Variants in PPIG observed in about 807,000 individuals in gnomAD.
The protein encoded by PPIG is peptidyl-prolyl cis-trans isomerase G.
Under a neutral mutation model 87.9 loss-of-function variants are expected in PPIG, and 26 were observed. The observed-to-expected ratio is 0.30, with a 90% CI of 0.22 to 0.41. The LOEUF (loss-of-function observed/expected upper bound fraction) is 0.41, where lower values mean the gene tolerates loss of function less well. PPIG is among the 10% of genes least tolerant of loss of function. PPIG has a pLI of 1.00. For synonymous variants in PPIG, 308 were observed against 276.5 expected (o/e 1.11, Z -1.13); for missense variants, 722 against 879.4 (o/e 0.82, Z 2.26).
At chr2:169,608,864 C>G in intron 7 of PPIG, 106 bp downstream of exon 7, 1 of 647,782 alleles carries the variant, frequency 1.5e-6, no homozygotes, top group Non-Finnish European at 2.7e-6. Context: ...GGGCGGATCA[C>G]GAGGTCAGGA....
intron 1 of PPIG, among the ~76,000 whole-genome samples, chr2:169,597,368 A>C (rs1354456589): frequency 6.6e-6 from 1 of 152,090 alleles, no homozygotes; most frequent in Non-Finnish European, 1.5e-5. Flanking sequence ...ACCATAGCTC[A>C]CTGCAGCCTC....
intron 12 of PPIG, chr2:169,633,513 TC>T (rs1458571321): frequency 9.5e-6 from 5 of 524,188 alleles, no homozygotes; most frequent in Admixed American, 7.6e-5. Flanking sequence ...TTCTTGGCAA[TC>T]ACTGTATCTC....
intron 9 of PPIG, among the ~76,000 whole-genome samples, chr2:169,627,845 T>G (rs1188428257): frequency 6.6e-6 from 1 of 152,062 alleles, no homozygotes; most frequent in Non-Finnish European, 1.5e-5. Flanking sequence ...CTTTTTTAAT[T>G]GTGGGGTAAA....
rs772209064 is a variant in PPIG, at chr2:169,636,955, G to A, written c.1697G>A (p.Ser566Asn). 1 of 1,613,984 alleles carries A rather than the reference G, an allele frequency of 6.2e-7. No individual in the cohort carries two copies. The highest frequency in any genetic ancestry group is 1.7e-5 in the Admixed American group (1 of 59,976). The change falls in exon 14 of 14, where the codon AGC becomes AAC. Residue 566 changes from serine to asparagine, a missense_variant. By Grantham distance (46) the Ser-to-Asn change is conservative. Transcript: ENST00000260970. ...TATAATAGCAGAACAAGAGAACGAA[G>A]CAGAAGTAGGGACAGAAGCAGAAGA... is the stretch of plus-strand genomic sequence containing the variant. ...HSYNSRTRER[S>N]RSRDRSRRVR...
intron 1 of PPIG, among the ~76,000 whole-genome samples, chr2:169,593,813 ATTT>A (rs376892159): frequency 7.2e-6 from 1 of 138,816 alleles, no homozygotes. Flanking sequence ...TGCCCGGCTA[ATTT>A]TTTTTTTTTT....
At chr2:169,633,340 A>G (rs746430817) in intron 12 of PPIG, 93 bp downstream of exon 12, 4 of 993,594 alleles carry the variant, frequency 4.0e-6, no homozygotes, top group Admixed American at 4.6e-5. Flanking sequence ...TTTAATGTGC[A>G]AGTAACTAAA....
chr2:169,633,665 T>C (rs1370808383), intron 12 of PPIG: 1 of 195,298 alleles, frequency 5.1e-6, no homozygotes, highest in Non-Finnish European at 1.0e-5. Context: ...TCCTGTCTTA[T>C]GTCTTCACTT....
chr2:169,588,958 CAAAAAAAAAAAA>C (rs549776875), intron 1 of PPIG, among the ~76,000 whole-genome samples: 1 of 68,410 alleles, frequency 1.5e-5, no homozygotes, highest in Non-Finnish European at 2.8e-5. Context: ...AACTCCCTCT[CAAAAAAAAAAAA>C]AAAAAAAAAA....
intron 1 of PPIG, among the ~76,000 whole-genome samples, chr2:169,590,451 T>A (rs1237865568): frequency 1.3e-5 from 2 of 152,086 alleles, no homozygotes. Flanking sequence ...CCATCCTAGC[T>A]AACACGGTGA....
intron 9 of PPIG, among the ~76,000 whole-genome samples, chr2:169,618,974 G>T (rs914020544): frequency 6.6e-6 from 1 of 151,944 alleles, no homozygotes; most frequent in Non-Finnish European, 1.5e-5. Flanking sequence ...TGATGTTAGG[G>T]TGTCCATTTT....
intron 1 of PPIG, among the ~76,000 whole-genome samples, chr2:169,598,030 C>T (rs1264400826): frequency 6.6e-6 from 1 of 150,732 alleles, no homozygotes; most frequent in Non-Finnish European, 1.5e-5. Context: ...ATACAGGGTC[C>T]CACTCTGTCG....
Position 169,607,157 on chromosome 2 carries a change from GTTTACA to G in PPIG, c.289+14_289+19del, listed in dbSNP as rs1334069819. ...TGGAGGATTTTTTGAAGGTAAAAAT[GTTTACA>G]TTTATATTATGTTTTAAATATTTTG... On this transcript the variant is annotated intron_variant, in intron 6 of 13. Coordinates refer to ENST00000260970, the MANE Select transcript of PPIG (RefSeq NM_004792.3). The G allele has an allele frequency of 6.7e-7, 1 of 1,485,068 alleles. No individual in the cohort carries two copies. The highest frequency in any genetic ancestry group is 1.4e-5 in the African/African-American group (1 of 71,966). The allele number at this position is 1,485,068 out of a possible 1,614,324, so 92.0% of individuals were successfully genotyped here. A position where few individuals can be genotyped will look rare whatever the true frequency, so the allele number is the denominator to read the frequency against.
chr2:169,600,954 G>A (rs1685164292), intron 1 of PPIG, among the ~76,000 whole-genome samples: 2 of 152,046 alleles, frequency 1.3e-5, no homozygotes, highest in Non-Finnish European at 2.9e-5. Context: ...AAAGCTGAAG[G>A]CCCCCAATGA....
At chr2:169,597,534 T>C (rs1685052841) in intron 1 of PPIG, among the ~76,000 whole-genome samples, 1 of 150,356 alleles carries the variant, frequency 6.7e-6, no homozygotes. Context: ...AGTCTCACTC[T>C]GTCACCCAGG....
chr2:169,598,436 G>A (rs972290228), intron 1 of PPIG, among the ~76,000 whole-genome samples: 19 of 151,972 alleles, frequency 1.3e-4, no homozygotes, highest in African/African-American at 2.7e-4. Context: ...GACTACAGGC[G>A]CCTGCCACCA....
chr2:169,605,089 T>C (rs962138702), intron 4 of PPIG, among the ~76,000 whole-genome samples: 2 of 152,090 alleles, frequency 1.3e-5, no homozygotes, highest in Non-Finnish European at 2.9e-5. Context: ...ACCCCAGCAC[T>C]TTGGAAGGCC....
chr2:169,592,622 T>G (rs1455462026), intron 1 of PPIG, among the ~76,000 whole-genome samples: 6 of 151,956 alleles, frequency 3.9e-5, no homozygotes, highest in African/African-American at 1.4e-4. Flanking sequence ...TTTTTTCTAA[T>G]AGAGATGCGT....
rs1418230966 is a variant in PPIG, at chr2:169,604,327, G to GGT, written c.136+66_136+67insGT. On this transcript the variant is annotated intron_variant, in intron 4 of 13. Coordinates refer to ENST00000260970, the MANE Select transcript of PPIG (RefSeq NM_004792.3). ...TGACTATGGCTTGCTTGCTTGCTTGGTTTTTTTTTTTTTTTTTTTTTTTTT... is the reference window on the plus strand; with the variant it reads ...TGACTATGGCTTGCTTGCTTGCTTGGGTTTTTTTTTTTTTTTTTTTTTTTTTT... The GGT allele has an allele frequency of 8.3e-4, 287 of 347,444 alleles. 7 individuals are homozygous for GGT. In the African/African-American group the frequency reaches 0.012, roughly 15 times the overall value. The allele number at this position is 347,444 out of a possible 1,614,324, so 21.5% of individuals were successfully genotyped here.
At chr2:169,620,585 G>T (rs1045776760) in intron 9 of PPIG, among the ~76,000 whole-genome samples, 5 of 152,110 alleles carry the variant, frequency 3.3e-5, no homozygotes, top group Non-Finnish European at 7.4e-5. Context: ...CAATTCAAGA[G>T]AGGAAGATAG....
Sources: allele counts gnomAD v4.1 joint callset (sites outside exome capture counted in the v4.1 genomes callset), GRCh38; gene constraint gnomAD v4.1.1; transcripts MANE v1.5; gene names NCBI Gene and HGNC (gene_info 2026-07-23, HGNC 2026-07-21).